The following BICRAL variants were observed in gnomAD, a reference collection of about 807,000 sequenced individuals.
The protein encoded by BICRAL is BRD4-interacting chromatin-remodeling complex-associated protein-like.
In BICRAL, 8 loss-of-function variants were observed where a neutral mutation model predicts 91.8. The observed-to-expected ratio is 0.09, with a 90% CI of 0.05 to 0.16. The LOEUF is 0.16. Among genes scored for constraint, BICRAL ranks in the 10% least tolerant of loss-of-function variants. The pLI, the probability that BICRAL is intolerant of heterozygous loss-of-function variation, is 1.00. For synonymous variants in BICRAL, 445 were observed against 491.1 expected, an observed-to-expected ratio of 0.91 and a Z score of 1.24; for missense variants, 1,038 against 1,310.9, an observed-to-expected ratio of 0.79 and a Z score of 3.21.
chr6:42,746,704 C>T (rs1486122284), upstream of BICRAL, among the ~76,000 whole-genome samples: 1 of 151,336 alleles, frequency 6.6e-6, no homozygotes, highest in African/African-American at 2.4e-5. Flanking sequence ...CCGTAGCCCT[C>T]ATCCTTACCG....
chr6:42,769,409 T>G (rs1762686861), intron 1 of BICRAL, among the ~76,000 whole-genome samples: 1 of 152,164 alleles, frequency 6.6e-6, no homozygotes, highest in African/African-American at 2.4e-5. Context: ...TTCTGCCCTA[T>G]CCTATTGGTC....
intron 1 of BICRAL, among the ~76,000 whole-genome samples, chr6:42,803,597 T>C (rs533641582): frequency 2.4e-4 from 37 of 152,180 alleles, no homozygotes; most frequent in Non-Finnish European, 5.1e-4. Flanking sequence ...AGTAATTGCA[T>C]TGGGTAAACA....
chr6:42,807,749 T>C (rs1056435641), intron 1 of BICRAL, among the ~76,000 whole-genome samples: 6 of 146,940 alleles, frequency 4.1e-5, no homozygotes, highest in African/African-American at 1.5e-4. Context: ...GAGGTTGCAG[T>C]GAGCCGAGAT....
At chr6:42,766,967 A>G (rs898566696) in intron 1 of BICRAL, among the ~76,000 whole-genome samples, 11 of 151,964 alleles carry the variant, frequency 7.2e-5, no homozygotes, top group African/African-American at 2.7e-4. Flanking sequence ...GTGAACCCGG[A>G]AGGCGGAGCT....
At position 42,857,217 on chromosome 6, in the gene BICRAL, T is replaced by C. The variant is rs1166145767; in HGVS notation, c.2235T>C (p.Thr745=). The C allele has an allele frequency of 1.2e-6, 2 of 1,613,268 alleles. No homozygotes were observed. The highest frequency in any genetic ancestry group is 2.7e-5 in the African/African-American group (2 of 74,832). ...ACGTGTGCCAGGGCTCCATGCCCACTGAAGAAGACTTGAGAAAAGGTAAGC... is the reference window on the plus strand; with the variant it reads ...ACGTGTGCCAGGGCTCCATGCCCACCGAAGAAGACTTGAGAAAAGGTAAGC... The part of the protein sequence containing the change: ...SYHVCQGSMP[T]EEDLRKVDNE... Residue 745 remains threonine, a synonymous_variant, in exon 10 of 13, where the codon ACT becomes ACC. Coordinates refer to ENST00000314073, the MANE Select transcript of BICRAL (RefSeq NM_001393499.1).
intron 6 of BICRAL, among the ~76,000 whole-genome samples, chr6:42,848,174 C>G (rs1765076952): frequency 6.6e-6 from 1 of 151,444 alleles, no homozygotes; most frequent in South Asian, 2.1e-4. Context: ...ATCGCTTGAA[C>G]CCGGGAGGCA....
At chr6:42,782,812 A>T (rs947255054) in intron 1 of BICRAL, among the ~76,000 whole-genome samples, 2 of 151,966 alleles carry the variant, frequency 1.3e-5, no homozygotes, top group Admixed American at 1.3e-4. Flanking sequence ...GGCCGCGAGC[A>T]GGGGGCAGGG....
At position 42,865,272 on chromosome 6, in the gene BICRAL, G is replaced by A; in HGVS notation, c.3066G>A (p.Arg1022=). Residue 1022 remains arginine (R), a synonymous_variant, in exon 13 of 13, where the codon CGG becomes CGA. Transcript: ENST00000314073. ...TCTTGGAACTCAAAAAGGCGGGACGGCAGCCCCAGAGTGACCCCACGGTTA... is the reference window on the plus strand; with the variant it reads ...TCTTGGAACTCAAAAAGGCGGGACGACAGCCCCAGAGTGACCCCACGGTTA... ...KNILELKKAG[R]QPQSDPTVSG... is the part of the protein sequence containing the mutation. 2 of 1,614,088 alleles carry A rather than the reference G, an allele frequency of 1.2e-6. No homozygotes were observed. Among genetic ancestry groups the A allele is most frequent in the Non-Finnish European group, 8.5e-7 (1 of 1,179,982 alleles).
intron 10 of BICRAL, among the ~76,000 whole-genome samples, chr6:42,859,425 GAGA>G (rs1765485781): frequency 6.6e-6 from 1 of 151,082 alleles, no homozygotes; most frequent in African/African-American, 2.4e-5. Context: ...TGTGAAGACT[GAGA>G]AGAAGAATGA....
At chr6:42,835,065 T>G (rs1392660343) in intron 6 of BICRAL, among the ~76,000 whole-genome samples, 1 of 152,176 alleles carries the variant, frequency 6.6e-6, no homozygotes, top group Non-Finnish European at 1.5e-5. Context: ...GACTACAGAA[T>G]TCATCCAAGT....
intron 1 of BICRAL, among the ~76,000 whole-genome samples, chr6:42,755,204 C>A (rs987553753): frequency 3.9e-5 from 6 of 152,018 alleles, no homozygotes; most frequent in African/African-American, 1.4e-4. Flanking sequence ...GGATGTTGAG[C>A]AAATACTTGG....
intron 2 of BICRAL, among the ~76,000 whole-genome samples, chr6:42,816,649 ATTGT>A (rs1764002401): frequency 1.3e-5 from 2 of 151,912 alleles, no homozygotes; most frequent in Non-Finnish European, 2.9e-5. Flanking sequence ...TGTTTTATTA[ATTGT>A]TTTTCTTTTT....
At chr6:42,802,854 T>G (rs1430097316) in intron 1 of BICRAL, among the ~76,000 whole-genome samples, 1 of 152,166 alleles carries the variant, frequency 6.6e-6, no homozygotes, top group African/African-American at 2.4e-5. Context: ...GTGCTGAGAT[T>G]ACAGGTGTGA....
chr6:42,836,837 G>A (rs1411102393), intron 6 of BICRAL, among the ~76,000 whole-genome samples: 1 of 151,918 alleles, frequency 6.6e-6, no homozygotes, highest in Non-Finnish European at 1.5e-5. Flanking sequence ...GGTCAGGCTG[G>A]TCTCAAACTC....
At chr6:42,860,188 C>A in intron 10 of BICRAL, 74 bp from the exon 11 acceptor site, 1 of 840,616 alleles carries the variant, frequency 1.2e-6, no homozygotes. Flanking sequence ...TAATGTATTT[C>A]AGTCTTAAGA....
Position 42,758,505 on chromosome 6 carries a change from C to A in BICRAL, c.-261+11482C>A, listed in dbSNP as rs76694927. Among the ~76,000 whole-genome samples, 8 of 152,290 alleles carry A rather than the reference C, an allele frequency of 5.3e-5. No individual in the cohort carries two copies. The East Asian group carries it at 1.5e-3, about 29-fold the overall frequency. On this transcript the variant is annotated intron_variant, in intron 1 of 14. Coordinates refer to the BICRAL transcript ENST00000614467. ...TTTTAAGGCACTTTGCCAGATGGTG[C>A]AGGTGTATTGGTGAACACACAGACT...
intron 1 of BICRAL, among the ~76,000 whole-genome samples, chr6:42,791,830 A>G (rs979373971): frequency 1.3e-5 from 2 of 152,182 alleles, no homozygotes; most frequent in African/African-American, 2.4e-5. Flanking sequence ...TGATGAATGC[A>G]TCGTTAGGTG....
intron 10 of BICRAL, 103 bp downstream of exon 10, chr6:42,857,339 G>T (rs1765401663): frequency 2.1e-6 from 2 of 938,032 alleles, no homozygotes; most frequent in Non-Finnish European, 3.2e-6. Flanking sequence ...TGGTAGGCAG[G>T]TTATTGTTTT....
chr6:42,814,499 G>GTGTGTATATATATATATATATA (rs374054837), intron 2 of BICRAL, among the ~76,000 whole-genome samples: 1 of 61,268 alleles, frequency 1.6e-5, no homozygotes, highest in East Asian at 5.0e-4. Context: ...GTGTGTGTGT[G>GTGTGTATATATATATATATATA]TATATATATA....
Sources: allele counts gnomAD v4.1 joint callset (sites outside exome capture counted in the v4.1 genomes callset), GRCh38; gene constraint gnomAD v4.1.1; transcripts MANE v1.5; gene names NCBI Gene and HGNC (gene_info 2026-07-23, HGNC 2026-07-21).